Variants in ITGAX observed in about 807,000 individuals in gnomAD.
The protein encoded by ITGAX is integrin subunit alpha X, also known as integrin alpha-X.
ITGAX carries 99 observed loss-of-function variants against 140.2 expected under a neutral mutation model. The ratio of observed to expected loss-of-function variants is 0.71; its 90% CI spans 0.60 to 0.83. ITGAX has a LOEUF of 0.83. Ranked by LOEUF, ITGAX falls within the 40% of genes least tolerant of loss-of-function variation. The pLI is 0.00. For missense variants in ITGAX, 1,444 were observed against 1,482.0 expected (o/e 0.97, Z 0.42); for synonymous variants, 631 against 600.4 (o/e 1.05, Z -0.75).
intron 23 of ITGAX, 51 bp downstream of exon 23, chr16:31,377,316 A>G (rs894445308): frequency 7.2e-7 from 1 of 1,390,790 alleles, no homozygotes; most frequent in African/African-American, 1.9e-5. Flanking sequence ...CTGACCTCAA[A>G]AAGAAAAAAA....
chr16:31,359,401 T>C (rs1489827723), intron 5 of ITGAX, among the ~76,000 whole-genome samples: 1 of 152,102 alleles, frequency 6.6e-6, no homozygotes, highest in Admixed American at 6.5e-5. Context: ...CCTGACCTCG[T>C]GATCCGCCCC....
At chr16:31,378,858 C>T (rs1466640414) in intron 23 of ITGAX, among the ~76,000 whole-genome samples, 2 of 151,066 alleles carry the variant, frequency 1.3e-5, no homozygotes, top group Admixed American at 1.3e-4. Context: ...CTGTGTTGCC[C>T]AGGCTGGAGT....
chr16:31,367,802 G>T (rs1169882954), intron 14 of ITGAX, among the ~76,000 whole-genome samples: 1 of 152,160 alleles, frequency 6.6e-6, no homozygotes, highest in Non-Finnish European at 1.5e-5. Context: ...CATTATTTCA[G>T]AAATACATTT....
intron 14 of ITGAX, among the ~76,000 whole-genome samples, chr16:31,365,285 G>A (rs920853231): frequency 2.0e-5 from 3 of 152,130 alleles, no homozygotes; most frequent in Admixed American, 6.6e-5. Flanking sequence ...AAAATTGATT[G>A]TGGTAGTGGT....
chr16:31,363,420 C>T (rs1372752835), intron 14 of ITGAX, 46 bp downstream of exon 14: 1 of 1,592,998 alleles, frequency 6.3e-7, no homozygotes, highest in African/African-American at 1.3e-5. Flanking sequence ...CTGCTTCTTG[C>T]CTCTCCCACT....
rs970448214 is a variant in ITGAX, at chr16:31,373,495, G to A, written c.2508+105G>A. On this transcript the variant is annotated intron_variant, in intron 20 of 29. Coordinates refer to ENST00000268296, the MANE Select transcript of ITGAX (RefSeq NM_000887.5). ...CTTGGAGGTGGTAGTGCCATCTGGGGCACGCCTCTGCTCGTGTGGGTGTTC... is the reference window on the plus strand; with the variant it reads ...CTTGGAGGTGGTAGTGCCATCTGGGACACGCCTCTGCTCGTGTGGGTGTTC... The A allele has an allele frequency of 7.6e-6, 9 of 1,189,130 alleles. No homozygotes were observed. The Admixed American group carries it at 8.3e-5, about 11-fold the overall frequency. The allele number at this position is 1,189,130 out of a possible 1,614,324, so 73.7% of individuals were successfully genotyped here. A position where few individuals can be genotyped will look rare whatever the true frequency, so the allele number is the denominator to read the frequency against.
At position 31,380,523 on chromosome 16, in the gene ITGAX, ATATTG is replaced by A; in HGVS notation, c.3176_3180del (p.Ile1059ThrfsTer11). ...CAGGTTTCCCCCAACCCCTTTGCAG[ATATTG>A]CAGAAGAAGGTGTCGGTCGTGAGTG... On this transcript the variant is annotated frameshift_variant and splice_region_variant, in exon 28 of 30. Transcript: ENST00000268296. LOFTEE classifies it high-confidence loss of function. 1 of 1,614,116 alleles carries A rather than the reference ATATTG, an allele frequency of 6.2e-7. No homozygotes were observed. Among genetic ancestry groups the A allele is most frequent in the African/African-American group, 1.3e-5 (1 of 74,942 alleles).
chr16:31,375,799 C>T (rs2081014757), intron 20 of ITGAX, among the ~76,000 whole-genome samples: 1 of 152,234 alleles, frequency 6.6e-6, no homozygotes, highest in Non-Finnish European at 1.5e-5. Flanking sequence ...AAGGCCATCT[C>T]TTGCATGTGA....
Position 31,379,999 on chromosome 16 carries a change from C to A in ITGAX, c.2994C>A (p.Cys998Ter), listed in dbSNP as rs1297658225. The A allele has an allele frequency of 6.2e-7, 1 of 1,614,156 alleles. No individual in the cohort carries two copies. The highest frequency in any genetic ancestry group is 2.2e-5 in the East Asian group (1 of 44,892). Reference sequence around the variant, plus strand: ...TCCCCCAGAACCCATCCCTTCGGTGCTCCTCAGAGAAAATCGCACCCCCAG... The same window carrying A: ...TCCCCCAGAACCCATCCCTTCGGTGATCCTCAGAGAAAATCGCACCCCCAG... ...VSHPQNPSLRCSSEKIAPPAS... is the reference protein window; with the variant it reads ...VSHPQNPSLR The change falls in exon 26 of 30, where the codon TGC (cysteine) becomes TGA (stop). Residue 998 changes from cysteine (C) to a stop codon, truncating the protein, a stop_gained. Transcript: ENST00000268296. LOFTEE classifies it high-confidence loss of function.
chr16:31,381,615 T>G (rs543914341), intron 29 of ITGAX, among the ~76,000 whole-genome samples, 188 bp from the exon 30 acceptor site: 1 of 151,988 alleles, frequency 6.6e-6, no homozygotes, highest in Admixed American at 6.6e-5. Flanking sequence ...GGCAACAGAG[T>G]GAGACTCCAT....
At chr16:31,359,873 G>A (rs891895732) in intron 6 of ITGAX, 43 bp downstream of exon 6, 3 of 1,613,960 alleles carry the variant, frequency 1.9e-6, no homozygotes, top group South Asian at 2.2e-5. Context: ...TGGGTGCTTC[G>A]ATCCTGGTGA....
At position 31,372,390 on chromosome 16, in the gene ITGAX, G is replaced by T. The variant is rs2080976706; in HGVS notation, c.2173G>T (p.Asp725Tyr). The T allele has an allele frequency of 1.2e-6, 2 of 1,606,324 alleles. No homozygotes were observed. Among genetic ancestry groups the T allele is most frequent in the Non-Finnish European group, 1.7e-6 (2 of 1,178,084 alleles). The change falls in exon 18 of 30, where the codon GAC becomes TAC. Residue 725 changes from aspartate to tyrosine, a missense_variant. Asp to Tyr is a radical substitution (Grantham distance 160). Coordinates refer to ENST00000268296, the MANE Select transcript of ITGAX (RefSeq NM_000887.5). ...FNLLLPSCVEDSVTPITLRLN... is the reference protein window; with the variant it reads ...FNLLLPSCVEYSVTPITLRLN... ...GCCCGTCCCCCAGAGCTGCGTGGAG[G>T]ACTCTGTGACCCCCATTACCTTGCG...
chr16:31,374,053 T>G (rs894499683), intron 20 of ITGAX, among the ~76,000 whole-genome samples: 1 of 151,844 alleles, frequency 6.6e-6, no homozygotes, highest in Non-Finnish European at 1.5e-5. Context: ...CTTCGGGAGG[T>G]TGAGGCAGGC....
intron 14 of ITGAX, among the ~76,000 whole-genome samples, chr16:31,366,984 T>C (rs1425779241): frequency 2.0e-5 from 3 of 152,044 alleles, no homozygotes; most frequent in Non-Finnish European, 4.4e-5. Context: ...AACATATGAA[T>C]GATAAGAAAG....
intron 23 of ITGAX, 122 bp from the exon 24 acceptor site, chr16:31,379,446 A>G (rs778927890): frequency 8.5e-6 from 8 of 943,928 alleles, no homozygotes; most frequent in Non-Finnish European, 1.3e-5. Context: ...TAACTCAGCC[A>G]CAGCCCTCAT....
intron 23 of ITGAX, 88 bp downstream of exon 23, chr16:31,377,353 G>T: frequency 9.3e-7 from 1 of 1,070,250 alleles, no homozygotes; most frequent in East Asian, 2.4e-5. Flanking sequence ...CGCTGCCACA[G>T]AGGGTGAGAT....
At chr16:31,381,640 A>C (rs2081069619) in intron 29 of ITGAX, among the ~76,000 whole-genome samples, 163 bp from the exon 30 acceptor site, 1 of 152,110 alleles carries the variant, frequency 6.6e-6, no homozygotes, top group Non-Finnish European at 1.5e-5. Flanking sequence ...AAAAGAAAAT[A>C]ATTTTGGCTA....
At position 31,372,550 on chromosome 16, in the gene ITGAX, G is replaced by T. The variant is rs576056590; in HGVS notation, c.2292+41G>T. 85 of 1,613,756 alleles carry T rather than the reference G, an allele frequency of 5.3e-5. No individual in the cohort carries two copies. The South Asian group carries it at 8.8e-4, about 17-fold the overall frequency. ...GGGTCTCCCAGAGAGGGTGCACAGCGTGGGGCCTGGGTCTCGGAGAAAACC... is the reference window on the plus strand; with the variant it reads ...GGGTCTCCCAGAGAGGGTGCACAGCTTGGGGCCTGGGTCTCGGAGAAAACC... On this transcript the variant is annotated intron_variant, in intron 18 of 29. Transcript: ENST00000268296.
Position 31,371,508 on chromosome 16 carries a change from T to C in ITGAX, c.2005+11T>C. The stretch of plus-strand genomic sequence containing the variant: ...ACCTGCTTGGGAGCCGTGAGTCCCC[T>C]CCCCTCCAACCCAGGACACCCTGAC... On this transcript the variant is annotated intron_variant, in intron 16 of 29. Transcript: ENST00000268296. 3 of 1,613,180 alleles carry C rather than the reference T, an allele frequency of 1.9e-6. No homozygotes were observed. Among genetic ancestry groups the C allele is most frequent in the Non-Finnish European group, 2.5e-6 (3 of 1,179,338 alleles).
Sources: gnomAD v4.1 joint callset for allele counts (sites outside exome capture counted in the v4.1 genomes callset) on GRCh38, gnomAD v4.1.1 for gene constraint, MANE v1.5 for transcripts, NCBI Gene and HGNC (gene_info 2026-07-23, HGNC 2026-07-21) for gene names.